Variants in PDE10A observed in about 807,000 individuals in gnomAD.
PDE10A encodes the protein phosphodiesterase 10A, also known as cAMP and cAMP-inhibited cGMP 3',5'-cyclic phosphodiesterase 10A.
Under a neutral mutation model 97.7 loss-of-function variants are expected in PDE10A, and 39 were observed. That is an observed-to-expected ratio of 0.40 (90% CI 0.31 to 0.52). The LOEUF is 0.52. Among genes scored for constraint, PDE10A ranks in the 20% least tolerant of loss-of-function variants. PDE10A has a pLI of 0.56. For synonymous variants in PDE10A, 371 were observed against 376.8 expected, an observed-to-expected ratio of 0.98 and a Z score of 0.18; for missense variants, 731 against 1,047.8, an observed-to-expected ratio of 0.70 and a Z score of 4.17.
At chr6:165,830,730 C>A (rs550290680) in intron 1 of PDE10A, among the ~76,000 whole-genome samples, 69 of 152,246 alleles carry the variant, frequency 4.5e-4, no homozygotes, top group Non-Finnish European at 8.7e-4. Flanking sequence ...ATCTGAGCAC[C>A]TAACACCCCT....
chr6:165,959,623 G>A (rs1376095815), intron 1 of PDE10A, among the ~76,000 whole-genome samples: 6 of 152,172 alleles, frequency 3.9e-5, no homozygotes, highest in African/African-American at 1.4e-4. Flanking sequence ...CACACCCTCT[G>A]TTTCTGGAGA....
At chr6:165,846,258 T>G (rs1345926155) in intron 1 of PDE10A, among the ~76,000 whole-genome samples, 1 of 152,216 alleles carries the variant, frequency 6.6e-6, no homozygotes, top group Non-Finnish European at 1.5e-5. Flanking sequence ...CCACACCTTG[T>G]GCTTTATAGA....
In PDE10A at chr6:165,617,978, C is replaced by T. The variant is rs565462828; in HGVS notation, c.865+43969G>A. Among the ~76,000 whole-genome samples the T allele has an allele frequency of 2.6e-5, 4 of 152,242 alleles. No individual in the cohort carries two copies. The East Asian group carries it at 5.8e-4, about 22-fold the overall frequency. ...CAGTGGTTCACTCCTGTAATCCCAG[C>T]TTAAGGCCAGGAGTTCAAAACCAGC... is the stretch of plus-strand genomic sequence containing the variant. On this transcript the variant is annotated intron_variant, in intron 1 of 21. Coordinates refer to ENST00000539869, the MANE Select transcript of PDE10A (RefSeq NM_001385079.1).
At chr6:165,612,794 G>A (rs1787558776) in intron 1 of PDE10A, among the ~76,000 whole-genome samples, 1 of 152,114 alleles carries the variant, frequency 6.6e-6, no homozygotes, top group Non-Finnish European at 1.5e-5. Flanking sequence ...TTTCCAGCAA[G>A]ACAGTCTCGT....
chr6:165,400,331 T>C (rs1487731523), intron 13 of PDE10A, among the ~76,000 whole-genome samples: 2 of 151,992 alleles, frequency 1.3e-5, no homozygotes, highest in Non-Finnish European at 2.9e-5. Flanking sequence ...AAGGATAAAT[T>C]GATCAACTGG....
chr6:165,763,025 C>T (rs1408821991), intron 1 of PDE10A, among the ~76,000 whole-genome samples: 1 of 152,232 alleles, frequency 6.6e-6, no homozygotes, highest in African/African-American at 2.4e-5. Context: ...AAATTGGCCA[C>T]AGACTAATAC....
intron 1 of PDE10A, among the ~76,000 whole-genome samples, chr6:165,604,518 T>TAAAAAAAAAAA (rs34272357): frequency 1.1e-3 from 152 of 137,766 alleles, no homozygotes; most frequent in African/African-American, 3.9e-3. Context: ...CTCTCTTTGT[T>TAAAAAAAAAAA]AAAAAAAAAA....
chr6:165,341,959 G>A (rs893415620), intron 19 of PDE10A, among the ~76,000 whole-genome samples: 1 of 152,120 alleles, frequency 6.6e-6, no homozygotes, highest in South Asian at 2.1e-4. Context: ...AGCAAAAGAA[G>A]GTTGCTGCAA....
intron 3 of PDE10A, among the ~76,000 whole-genome samples, chr6:165,476,553 G>T (rs926444409): frequency 1.3e-5 from 2 of 152,116 alleles, no homozygotes; most frequent in East Asian, 3.8e-4. Flanking sequence ...TGAAGAGAAT[G>T]AAATAAATGT....
At chr6:165,794,732 C>T (rs1778784864) in intron 1 of PDE10A, among the ~76,000 whole-genome samples, 1 of 152,170 alleles carries the variant, frequency 6.6e-6, no homozygotes, top group Admixed American at 6.5e-5. Context: ...AGTTTTGAAA[C>T]AATTAGATTC....
chr6:165,629,827 C>T (rs779536425), intron 1 of PDE10A, among the ~76,000 whole-genome samples: 6 of 152,246 alleles, frequency 3.9e-5, no homozygotes, highest in East Asian at 1.9e-4. Flanking sequence ...AGCCACCACA[C>T]GCAGCCTTAA....
chr6:165,734,909 T>G (rs980887000), intron 1 of PDE10A, among the ~76,000 whole-genome samples: 1 of 152,194 alleles, frequency 6.6e-6, no homozygotes, highest in African/African-American at 2.4e-5. Context: ...TCATTCGGAT[T>G]CTGTATTAGG....
At chr6:165,583,903 C>T (rs986368622) in intron 1 of PDE10A, among the ~76,000 whole-genome samples, 1 of 152,164 alleles carries the variant, frequency 6.6e-6, no homozygotes, top group African/African-American at 2.4e-5. Flanking sequence ...CAACCTTATG[C>T]TCTGCTCGTC....
Position 165,488,102 on chromosome 6 carries a change from T to C in PDE10A, c.995-5759A>G, listed in dbSNP as rs980863367. Among the ~76,000 whole-genome samples the C allele has an allele frequency of 3.8e-4, 57 of 149,196 alleles. 1 individual carries two copies. ...ATGCAGCATAGGATTTTTATAAACA[T>C]GTGTTTTTATTCAACAAATATTTAC... is the stretch of plus-strand genomic sequence containing the variant. On this transcript the variant is annotated intron_variant, in intron 2 of 21. Coordinates refer to ENST00000539869, the MANE Select transcript of PDE10A (RefSeq NM_001385079.1).
intron 2 of PDE10A, among the ~76,000 whole-genome samples, chr6:165,492,255 C>A (rs1780270555): frequency 6.6e-6 from 1 of 152,150 alleles, no homozygotes; most frequent in African/African-American, 2.4e-5. Context: ...CAAATGGATT[C>A]ATGGCTGAAT....
intron 1 of PDE10A, among the ~76,000 whole-genome samples, chr6:165,912,497 A>G (rs745465079): frequency 3.3e-5 from 5 of 152,196 alleles, no homozygotes; most frequent in Non-Finnish European, 5.9e-5. Context: ...TCCTTTCTGC[A>G]GTCTACACAG....
At chr6:165,406,214 G>C (rs944649033) in intron 13 of PDE10A, among the ~76,000 whole-genome samples, 2 of 134,158 alleles carry the variant, frequency 1.5e-5, no homozygotes, top group Admixed American at 7.6e-5. Flanking sequence ...TCAAATTCAA[G>C]ATGAGGGAAA....
At chr6:165,458,960 C>T (rs1778130630) in intron 3 of PDE10A, among the ~76,000 whole-genome samples, 1 of 152,072 alleles carries the variant, frequency 6.6e-6, no homozygotes, top group Non-Finnish European at 1.5e-5. Context: ...ATCACATATG[C>T]TATTTAGGCA....
intron 1 of PDE10A, among the ~76,000 whole-genome samples, chr6:165,603,870 A>C (rs62426701): frequency 0.1 from 15,471 of 152,320 alleles, 949 homozygotes; most frequent in Non-Finnish European, 0.13. Context: ...GGTATATGCA[A>C]CAACTGAATA....
Sources: allele counts gnomAD v4.1 joint callset (sites outside exome capture counted in the v4.1 genomes callset), GRCh38; gene constraint gnomAD v4.1.1; transcripts MANE v1.5; gene names NCBI Gene and HGNC (gene_info 2026-07-23, HGNC 2026-07-21).